The following CSMD2 variants were observed in gnomAD, a reference collection of about 807,000 sequenced individuals.
The protein encoded by CSMD2 is CUB and Sushi multiple domains 2.
In CSMD2, 130 loss-of-function variants were observed where a neutral mutation model predicts 398.5. That is an observed-to-expected ratio of 0.33 (90% CI 0.28 to 0.38). The LOEUF (loss-of-function observed/expected upper bound fraction) is 0.38. Ranked by LOEUF, CSMD2 falls within the 10% of genes least tolerant of loss-of-function variation. The pLI is 1.00. For synonymous variants in CSMD2, 1,828 were observed against 1,908.5 expected (o/e 0.96, Z 1.10); for missense variants, 3,829 against 4,764.9 (o/e 0.80, Z 5.78).
At chr1:34,076,928 A>ACAATAT (rs1553305736) in intron 2 of CSMD2, among the ~76,000 whole-genome samples, 1 of 53,600 alleles carries the variant, frequency 1.9e-5, no homozygotes, top group South Asian at 7.5e-4. Flanking sequence ...AAAAAAAAAA[A>ACAATAT]ATATATATAT....
intron 5 of CSMD2, among the ~76,000 whole-genome samples, chr1:33,880,424 TCA>T (rs1641156910): frequency 6.6e-6 from 1 of 152,244 alleles, no homozygotes; most frequent in Non-Finnish European, 1.5e-5. Flanking sequence ...TACTCTTTAA[TCA>T]GAGATTAAGA....
intron 4 of CSMD2, among the ~76,000 whole-genome samples, chr1:33,920,220 C>T: frequency 6.6e-6 from 1 of 151,988 alleles, no homozygotes; most frequent in South Asian, 2.1e-4. Flanking sequence ...AGGCCTGGCA[C>T]CGTTGAAGAG....
chr1:34,028,825 C>A (rs1229631417), intron 3 of CSMD2, among the ~76,000 whole-genome samples: 1 of 152,200 alleles, frequency 6.6e-6, no homozygotes, highest in Non-Finnish European at 1.5e-5. Flanking sequence ...CACGCTCTTG[C>A]CCCCGGGGAT....
chr1:33,774,985 G>C (rs1651782280), intron 12 of CSMD2, among the ~76,000 whole-genome samples: 1 of 152,178 alleles, frequency 6.6e-6, no homozygotes, highest in Non-Finnish European at 1.5e-5. Flanking sequence ...CAAGGAAATA[G>C]GTGTTTATGA....
At chr1:34,142,399 C>G (rs1413554701) in intron 1 of CSMD2, among the ~76,000 whole-genome samples, 1 of 152,162 alleles carries the variant, frequency 6.6e-6, no homozygotes, top group Non-Finnish European at 1.5e-5. Context: ...CCTGGTGCCC[C>G]AGGAGACGCA....
chr1:34,082,194 ACCCGGCCGCC>A, intron 2 of CSMD2, among the ~76,000 whole-genome samples: 1 of 53,772 alleles, frequency 1.9e-5, no homozygotes, highest in African/African-American at 7.2e-5. Context: ...GAGCGTCTCT[ACCCGGCCGCC>A]ACCCCGTCTG....
intron 1 of CSMD2, among the ~76,000 whole-genome samples, chr1:34,117,522 T>C (rs1661726720): frequency 6.6e-6 from 1 of 152,072 alleles, no homozygotes; most frequent in Non-Finnish European, 1.5e-5. Context: ...ATAATTCTAC[T>C]AAACATTTAA....
intron 5 of CSMD2, among the ~76,000 whole-genome samples, chr1:33,916,209 C>A (rs1050391994): frequency 1.4e-4 from 22 of 152,126 alleles, no homozygotes; most frequent in Admixed American, 8.5e-4. Flanking sequence ...ATTTTTAGAT[C>A]CTAATTTGGT....
intron 3 of CSMD2, among the ~76,000 whole-genome samples, chr1:33,999,911 A>T (rs886313082): frequency 6.6e-6 from 1 of 152,232 alleles, no homozygotes; most frequent in Non-Finnish European, 1.5e-5. Context: ...GGAATTCTGT[A>T]TAACTATTAA....
intron 10 of CSMD2, among the ~76,000 whole-genome samples, chr1:33,803,714 C>T (rs925662487): frequency 2.0e-5 from 3 of 152,196 alleles, no homozygotes; most frequent in Admixed American, 2.0e-4. Flanking sequence ...GGTGGATGTC[C>T]CCATTTTTCC....
At chr1:33,941,267 G>T (rs1644663253) in intron 3 of CSMD2, among the ~76,000 whole-genome samples, 1 of 152,228 alleles carries the variant, frequency 6.6e-6, no homozygotes, top group Non-Finnish European at 1.5e-5. Context: ...CTCTGTGGCT[G>T]AAGTGCAGCA....
chr1:34,043,918 A>G (rs1040247806), intron 2 of CSMD2, among the ~76,000 whole-genome samples: 18 of 152,186 alleles, frequency 1.2e-4, no homozygotes, highest in African/African-American at 4.1e-4. Context: ...GCAATATTTC[A>G]TATGTGTTGT....
chr1:33,905,038 C>T (rs1167282816), intron 5 of CSMD2, among the ~76,000 whole-genome samples: 1 of 151,978 alleles, frequency 6.6e-6, no homozygotes, highest in Non-Finnish European at 1.5e-5. Context: ...CTCCTGAGCT[C>T]AAGCAGTCCT....
chr1:33,704,754 C>T (rs777592112), intron 22 of CSMD2, among the ~76,000 whole-genome samples: 47 of 152,018 alleles, frequency 3.1e-4, no homozygotes, highest in Non-Finnish European at 5.6e-4. Flanking sequence ...CCTACTTGGT[C>T]GTCTTTGTTT....
intron 3 of CSMD2, among the ~76,000 whole-genome samples, chr1:33,951,166 A>G (rs765958542): frequency 5.9e-5 from 9 of 152,206 alleles, no homozygotes; most frequent in Non-Finnish European, 1.3e-4. Flanking sequence ...CCAGGGCTGG[A>G]GAGAGGCTGC....
At chr1:33,948,821 A>C (rs1388582098) in intron 3 of CSMD2, among the ~76,000 whole-genome samples, 1 of 152,190 alleles carries the variant, frequency 6.6e-6, no homozygotes, top group Non-Finnish European at 1.5e-5. Flanking sequence ...GCAGAGGTAG[A>C]TCTGACCCTA....
chr1:34,148,890 G>A (rs944113920), intron 1 of CSMD2, among the ~76,000 whole-genome samples: 4 of 152,122 alleles, frequency 2.6e-5, no homozygotes, highest in African/African-American at 4.8e-5. Flanking sequence ...AGTAGGTGGC[G>A]GATGGGGTCC....
chr1:33,526,916 C>A (rs188987272), intron 65 of CSMD2, among the ~76,000 whole-genome samples: 1 of 152,310 alleles, frequency 6.6e-6, no homozygotes, highest in East Asian at 1.9e-4. Flanking sequence ...ACTGGCCAGT[C>A]CTATGCCAGG....
intron 44 of CSMD2, among the ~76,000 whole-genome samples, chr1:33,598,133 T>G (rs1639961864): frequency 6.6e-6 from 1 of 152,208 alleles, no homozygotes; most frequent in African/African-American, 2.4e-5. Context: ...GGTAGGGGAA[T>G]GTGCTGAGGA....
Sources: gnomAD v4.1 joint callset for allele counts (sites outside exome capture counted in the v4.1 genomes callset) on GRCh38, gnomAD v4.1.1 for gene constraint, MANE v1.5 for transcripts, NCBI Gene and HGNC (gene_info 2026-07-23, HGNC 2026-07-21) for gene names.